Variants in GLB1 observed in about 807,000 individuals in gnomAD.
GLB1 encodes beta-galactosidase.
A neutral mutation model predicts 74.0 loss-of-function variants in GLB1; 56 were observed. That is an observed-to-expected ratio of 0.76 (90% CI 0.61 to 0.94). The LOEUF (loss-of-function observed/expected upper bound fraction) is 0.94, where lower values mean the gene tolerates loss of function less well. GLB1 is among the 40% of genes least tolerant of loss of function. The pLI, the probability that GLB1 is intolerant of heterozygous loss-of-function variation, is 0.00. For missense variants in GLB1, 787 were observed against 845.5 expected (o/e 0.93, Z 0.86); for synonymous variants, 323 against 323.6 (o/e 1.00, Z 0.02).
intron 15 of GLB1, among the ~76,000 whole-genome samples, chr3:33,013,633 G>C (rs569734831): frequency 6.6e-6 from 1 of 152,296 alleles, no homozygotes; most frequent in South Asian, 2.1e-4. Context: ...TATGATAGAA[G>C]CCCCAGGGGT....
At chr3:33,087,291 C>G (rs1039982055) in intron 1 of GLB1, among the ~76,000 whole-genome samples, 1 of 152,120 alleles carries the variant, frequency 6.6e-6, no homozygotes, top group Middle Eastern at 3.4e-3. Context: ...TCAAAGAGGC[C>G]GGGTACGGTG....
chr3:33,093,806 GA>G lies in GLB1; in HGVS notation c.75+3204del. 6.2e-7 allele frequency: 1 copy of G among 1,613,574 alleles called. No individual in the cohort carries two copies. Among genetic ancestry groups the G allele is most frequent in the South Asian group, 1.1e-5 (1 of 90,988 alleles). ...CCATGCCGCTGAGGATGAAGAGGAA[GA>G]AGAGCATGATGATGTAAGCACCCAG... On this transcript the variant is annotated intron_variant, in intron 1 of 15. Coordinates refer to ENST00000307363, the MANE Select transcript of GLB1 (RefSeq NM_000404.4). The surrounding 1 kb of genome is among the most constrained non-coding windows in gnomAD (Gnocchi z 6.0).
intron 9 of GLB1, among the ~76,000 whole-genome samples, chr3:33,046,779 T>C (rs113729701): frequency 6.6e-6 from 1 of 152,270 alleles, no homozygotes; most frequent in Non-Finnish European, 1.5e-5. Context: ...GGTTCAAACA[T>C]AATCCGAGGG....
In GLB1 at chr3:33,014,186, T is replaced by C. The variant is rs1187905167; in HGVS notation, c.1604A>G (p.His535Arg). The change falls in exon 15 of 16, where the codon CAT becomes CGT. Residue 535 changes from histidine (H) to arginine (R), a missense_variant. Physicochemically the swap from His to Arg is conservative, Grantham distance 29. Transcript: ENST00000307363. ...TGAGTTGTGGGCCCAGGCTTCATCA[T>C]GGTGGCCACTGTCACGGTGTCCCCA... ...GGWGHRDSGH[H>R]DEAWAHNSSN... 25 of 1,613,998 alleles carry C rather than the reference T, an allele frequency of 1.5e-5. No individual in the cohort carries two copies. The highest frequency in any genetic ancestry group is 2.0e-5 in the Non-Finnish European group (24 of 1,180,022).
At position 33,097,018 on chromosome 3, in the gene GLB1, C is replaced by A. The variant is rs755668722; in HGVS notation, c.68G>T (p.Gly23Val). The A allele has an allele frequency of 1.1e-5, 17 of 1,612,074 alleles. No homozygotes were observed. Among genetic ancestry groups the A allele is most frequent in the Non-Finnish European group, 1.4e-5 (16 of 1,178,930 alleles). The change falls in exon 1 of 16, where the codon GGC becomes GTC. Residue 23 changes from glycine (G) to valine (V), a missense_variant. By Grantham distance (109) the Gly-to-Val change is moderately radical (BLOSUM62 -3). Transcript: ENST00000307363. Reference sequence around the variant, plus strand: ...CGGGTCCCGCAGACTTACGCGCAAGCCGCGCGTAGGGCCCAGAAGCAGCAG... The same window carrying A: ...CGGGTCCCGCAGACTTACGCGCAAGACGCGCGTAGGGCCCAGAAGCAGCAG... ...LVLLLLGPTR[G>V]LRNATQRMFE...
the GLB1 span, among the ~76,000 whole-genome samples, chr3:32,976,746 C>T: frequency 2.6e-5 from 4 of 152,116 alleles, no homozygotes; most frequent in Admixed American, 1.3e-4. Context: ...AAGGATGTGT[C>T]ATTTCAGGAA....
At chr3:33,026,501 A>G (rs1381862154) in intron 10 of GLB1, among the ~76,000 whole-genome samples, 1 of 151,978 alleles carries the variant, frequency 6.6e-6, no homozygotes, top group Admixed American at 6.5e-5. Context: ...TCCTGGGTGG[A>G]AGGGGGCGAG....
the GLB1 span, among the ~76,000 whole-genome samples, chr3:32,983,856 T>A: frequency 4.5e-3 from 683 of 150,502 alleles, 3 homozygotes; most frequent in African/African-American, 0.016. Flanking sequence ...ATTTTTAAAT[T>A]TTTTTTTTTG....
rs115972135 is a variant in GLB1 at position 33,008,585 on chromosome 3, G to T, written c.1734+5471C>A. Among the ~76,000 whole-genome samples, 727 of 152,242 alleles carry T rather than the reference G, an allele frequency of 4.8e-3. 4 individuals are homozygous for T. The highest frequency in any genetic ancestry group is 8.0e-3 in the Non-Finnish European group (547 of 68,004). ...GGTGCTGAAGGTTGAAAAGGCCAGT[G>T]GGGGAAAGGAGCAGAGAGAGACCAA... On this transcript the variant is annotated intron_variant, in intron 15 of 15. Coordinates refer to ENST00000307363, the MANE Select transcript of GLB1 (RefSeq NM_000404.4).
At chr3:32,970,316 G>A in the GLB1 span, among the ~76,000 whole-genome samples, 5 of 152,104 alleles carry the variant, frequency 3.3e-5, no homozygotes, top group South Asian at 2.1e-4. Context: ...GTCCTCCTCC[G>A]AGTCAGGTGC....
Position 33,093,205 on chromosome 3 carries a change from A to C in GLB1, c.75+3806T>G, listed in dbSNP as rs759778930. On this transcript the variant is annotated intron_variant, in intron 1 of 15. Coordinates refer to ENST00000307363, the MANE Select transcript of GLB1 (RefSeq NM_000404.4). The surrounding 1 kb of genome is among the most constrained non-coding windows in gnomAD (Gnocchi z 6.0). ...GCTTCAATATCGTCCACCCCAGCCA[A>C]GCAGATCCAGTCCTCATCCTCACTC... 3.1e-6 allele frequency: 5 copies of C among 1,613,852 alleles called. No individual in the cohort carries two copies. In the East Asian group the frequency reaches 8.9e-5, roughly 29 times the overall value.
At chr3:33,092,032 G>A in intron 1 of GLB1, 2 of 985,078 alleles carry the variant, frequency 2.0e-6, no homozygotes, top group Non-Finnish European at 2.4e-6. Flanking sequence ...TCCAAATAGG[G>A]AAAAGCAGCC....
the GLB1 span, among the ~76,000 whole-genome samples, chr3:32,975,571 G>A: frequency 6.6e-5 from 10 of 152,272 alleles, no homozygotes; most frequent in Admixed American, 6.5e-4. Context: ...TCTATACAAA[G>A]ATGGATTAGT....
intron 3 of GLB1, 106 bp from the exon 4 acceptor site, chr3:33,068,396 G>A: frequency 6.9e-7 from 1 of 1,459,546 alleles, no homozygotes; most frequent in Non-Finnish European, 9.2e-7. Context: ...AGCTTCAAGG[G>A]ACAAGGGGTA....
chr3:33,092,240 C>T, intron 1 of GLB1: 1 of 985,690 alleles, frequency 1.0e-6, no homozygotes, highest in Non-Finnish European at 1.2e-6. Flanking sequence ...AGGAGCTTTG[C>T]ATTCCAGTAG....
intron 1 of GLB1, chr3:33,094,034 C>T (rs780130302): frequency 3.1e-6 from 5 of 1,614,108 alleles, no homozygotes; most frequent in Admixed American, 1.7e-5. Flanking sequence ...TGAGCAAGAG[C>T]GAGTTGACAA....
intron 10 of GLB1, among the ~76,000 whole-genome samples, chr3:33,040,867 G>A (rs903471239): frequency 6.6e-6 from 1 of 152,144 alleles, no homozygotes; most frequent in Non-Finnish European, 1.5e-5. Context: ...AAAAATGGCT[G>A]AGTAAAATTC....
At chr3:33,089,645 C>T (rs1700666055) in intron 1 of GLB1, among the ~76,000 whole-genome samples, 1 of 152,090 alleles carries the variant, frequency 6.6e-6, no homozygotes, top group Non-Finnish European at 1.5e-5. Context: ...TGAAATAAGC[C>T]CGCCACAAAA....
chr3:33,093,304 G>A lies in GLB1; in HGVS notation c.75+3707C>T. 6.2e-7 allele frequency: 1 copy of A among 1,614,186 alleles called. No individual in the cohort carries two copies. Among genetic ancestry groups the A allele is most frequent in the Non-Finnish European group, 8.5e-7 (1 of 1,180,040 alleles). On this transcript the variant is annotated intron_variant, in intron 1 of 15. Coordinates refer to ENST00000307363, the MANE Select transcript of GLB1 (RefSeq NM_000404.4). The surrounding 1 kb of genome is among the most constrained non-coding windows in gnomAD (Gnocchi z 6.0). Reference sequence around the variant, plus strand: ...TTCACGTTCTCATTATGAAGAGGCTGGACATGCAGGGATTCCAGAAGTGCA... The same window carrying A: ...TTCACGTTCTCATTATGAAGAGGCTAGACATGCAGGGATTCCAGAAGTGCA...
Sources: allele counts gnomAD v4.1 joint callset (sites outside exome capture counted in the v4.1 genomes callset), GRCh38; gene constraint gnomAD v4.1.1; non-coding constraint Gnocchi (gnomAD v3.1); transcripts MANE v1.5; gene names NCBI Gene and HGNC (gene_info 2026-07-23, HGNC 2026-07-21).